LRRC71: variants seen among roughly 807,000 people sequenced by gnomAD.
The protein encoded by LRRC71 is leucine rich repeat containing 71, also known as leucine-rich repeat-containing protein 71.
Under a neutral mutation model 66.6 loss-of-function variants are expected in LRRC71, and 54 were observed. That is an observed-to-expected ratio of 0.81 (90% CI 0.65 to 1.02). The LOEUF is 1.02. Among genes scored for constraint, LRRC71 ranks in the 50% least tolerant of loss-of-function variants. The probability of loss-of-function intolerance (pLI) is 0.00; values close to 1 mark genes in which losing one functional copy is unlikely to be tolerated. For synonymous variants in LRRC71, 323 were observed against 303.9 expected, an observed-to-expected ratio of 1.06 and a Z score of -0.65; for missense variants, 724 against 718.0, an observed-to-expected ratio of 1.01 and a Z score of -0.10.
chr1:156,930,689 C>G, intron 12 of LRRC71, 72 bp downstream of exon 12: 1 of 1,379,706 alleles, frequency 7.2e-7, no homozygotes, highest in Non-Finnish European at 1.0e-6. Flanking sequence ...ACGTCTCACC[C>G]CAGCCCCTCC....
intron 1 of LRRC71, 72 bp from the exon 2 acceptor site, chr1:156,923,877 C>A: frequency 7.1e-7 from 1 of 1,406,172 alleles, no homozygotes; most frequent in Non-Finnish European, 9.3e-7. Flanking sequence ...GGCCCCTCCG[C>A]CCGCGCGGGA....
rs1187565825 is a variant in LRRC71 at position 156,920,745 on chromosome 1, G to A, written c.-59G>A. On this transcript the variant is annotated 5_prime_UTR_variant, in exon 1 of 15. It adds an upstream start codon to the 5' untranslated region. Transcript: ENST00000337428. This position sits in a 1 kb window ranked among gnomAD's most constrained non-coding sequence, Gnocchi z 4.9. ...CCACCCCCAGACTGAGCCCCGTAGAGTGCGTTCTTACCTTCCTGCCCCGAC... is the reference window on the plus strand; with the variant it reads ...CCACCCCCAGACTGAGCCCCGTAGAATGCGTTCTTACCTTCCTGCCCCGAC... 30 of 1,437,092 alleles carry A rather than the reference G, an allele frequency of 2.1e-5. No individual in the cohort carries two copies. In the East Asian group the frequency reaches 7.3e-4, roughly 35 times the overall value. 89.0% of individuals were successfully genotyped at this position (1,437,092 alleles called of 1,614,324 possible). A position where few individuals can be genotyped will look rare whatever the true frequency, so the allele number is the denominator to read the frequency against.
chr1:156,940,453 G>C, the LRRC71 span: 8 of 1,577,948 alleles, frequency 5.1e-6, no homozygotes, highest in Middle Eastern at 3.4e-4. Context: ...AGATTGTAAG[G>C]CAGGGAAAGG....
In LRRC71 at chr1:156,924,460, G is replaced by A. The variant is rs921730921; in HGVS notation, c.347G>A (p.Ser116Asn). 1 of 1,551,256 alleles carries A rather than the reference G, an allele frequency of 6.4e-7. No homozygotes were observed. The highest frequency in any genetic ancestry group is 2.4e-5 in the East Asian group (1 of 40,908). The change falls in exon 3 of 15, where the codon AGC becomes AAC. Residue 116 changes from serine (S) to asparagine (N), a missense_variant. Ser to Asn is a conservative substitution (Grantham distance 46, BLOSUM62 1). Coordinates refer to ENST00000337428, the MANE Select transcript of LRRC71 (RefSeq NM_144702.3). ...PRLSGSCSLN[S>N]LESKYVFFRP... is the part of the protein sequence containing the mutation. ...CTGTCGGGGTCCTGCAGCCTCAATA[G>A]CCTGGAGAGCAAATACGTGTTCTTC...
chr1:156,921,761 A>ACACACG (rs1307035916), intron 1 of LRRC71: 1 of 508,670 alleles, frequency 2.0e-6, no homozygotes, highest in Non-Finnish European at 2.5e-6. Flanking sequence ...ACACACACAC[A>ACACACG]CAGACATGGC....
the LRRC71 span, among the ~76,000 whole-genome samples, chr1:156,941,051 A>G: frequency 6.1e-3 from 926 of 152,068 alleles, 4 homozygotes; most frequent in African/African-American, 0.016. Context: ...TCCCTCCCCA[A>G]CAGTAACCCC....
At chr1:156,928,359 CTT>C (rs1653579674) in intron 9 of LRRC71, among the ~76,000 whole-genome samples, 3 of 142,390 alleles carry the variant, frequency 2.1e-5, no homozygotes, top group Non-Finnish European at 4.6e-5. Flanking sequence ...TTCTCTTCTT[CTT>C]CCTCTTCTTC....
chr1:156,939,373 G>T, the LRRC71 span: 1 of 832,322 alleles, frequency 1.2e-6, no homozygotes, highest in Non-Finnish European at 1.9e-6. Context: ...AATCTCGAAT[G>T]TCCAACTCCA....
Position 156,929,733 on chromosome 1 carries a change from AG to A in LRRC71, c.1240+5del. ...GCCACAAAGGCAGGCAAGGGGAGTA[AG>A]TGCGGGTGCCCCTGGGTGGCATCTT... On this transcript the variant is annotated splice_donor_5th_base_variant and intron_variant, in intron 11 of 14. Transcript: ENST00000337428. 6.4e-7 allele frequency: 1 copy of A among 1,558,084 alleles called. No individual in the cohort carries two copies. Among genetic ancestry groups the A allele is most frequent in the Non-Finnish European group, 8.7e-7 (1 of 1,151,090 alleles).
Position 156,932,042 on chromosome 1 carries a change from C to G in LRRC71, c.1441+15C>G, listed in dbSNP as rs1421013057. ...CAACCTCATCCGTATGTCTGCCAAC[C>G]TCCCCTGTCCTCCTGTCATGAGGCT... is the stretch of plus-strand genomic sequence containing the variant. On this transcript the variant is annotated intron_variant, in intron 13 of 14. Coordinates refer to ENST00000337428, the MANE Select transcript of LRRC71 (RefSeq NM_144702.3). 1.3e-6 allele frequency: 2 copies of G among 1,559,268 alleles called. No individual in the cohort carries two copies. Among genetic ancestry groups the G allele is most frequent in the Admixed American group, 3.7e-5 (2 of 53,478 alleles).
In LRRC71 at chr1:156,920,718, A is replaced by AGACTGG; in HGVS notation, c.-85_-84insACTGGG. The AGACTGG allele has an allele frequency of 7.5e-7, 1 of 1,336,128 alleles. No homozygotes were observed. 82.8% of individuals were successfully genotyped at this position (1,336,128 alleles called of 1,614,324 possible). On this transcript the variant is annotated 5_prime_UTR_variant, in exon 1 of 15. Coordinates refer to ENST00000337428, the MANE Select transcript of LRRC71 (RefSeq NM_144702.3). The surrounding 1 kb of genome is among the most constrained non-coding windows in gnomAD (Gnocchi z 4.9). ...ACGCGGAACAGAGATCCCCTGATTC[A>AGACTGG]GCCACCCCCAGACTGAGCCCCGTAG... is the stretch of plus-strand genomic sequence containing the variant.
At chr1:156,932,200 TG>T in intron 13 of LRRC71, 173 bp downstream of exon 13, 1 of 676,274 alleles carries the variant, frequency 1.5e-6, no homozygotes, top group Non-Finnish European at 2.6e-6. Flanking sequence ...GTGCTGAGTC[TG>T]GGAGGAGGCT....
intron 5 of LRRC71, among the ~76,000 whole-genome samples, 158 bp downstream of exon 5, chr1:156,925,173 A>G (rs1377828792): frequency 6.6e-6 from 1 of 151,910 alleles, no homozygotes; most frequent in Non-Finnish European, 1.5e-5. Context: ...GGATCATGAT[A>G]CCTCCATTAG....
chr1:156,938,746 A>G, the LRRC71 span: 1 of 507,220 alleles, frequency 2.0e-6, no homozygotes, highest in Non-Finnish European at 3.5e-6. Flanking sequence ...CCCAGGAGAC[A>G]GGTGGCCCTT....
intron 1 of LRRC71, 28 bp from the exon 2 acceptor site, chr1:156,923,921 T>G: frequency 6.9e-7 from 1 of 1,439,812 alleles, no homozygotes; most frequent in Non-Finnish European, 9.2e-7. Context: ...CGTGGCCCCT[T>G]CTCTCACGCC....
chr1:156,926,788 C>T (rs2101617653), intron 5 of LRRC71, among the ~76,000 whole-genome samples: 1 of 152,272 alleles, frequency 6.6e-6, no homozygotes, highest in East Asian at 1.9e-4. Context: ...GTTGCCCAGG[C>T]TGGTCTCGAA....
chr1:156,935,904 G>T, downstream of LRRC71: 1 of 1,359,394 alleles, frequency 7.4e-7, no homozygotes, highest in South Asian at 1.4e-5. Context: ...CTCCTCCACA[G>T]GGAGGAGTGT....
intron 1 of LRRC71, among the ~76,000 whole-genome samples, chr1:156,922,276 C>T (rs1013639457): frequency 6.6e-6 from 1 of 152,046 alleles, no homozygotes; most frequent in Non-Finnish European, 1.5e-5. Flanking sequence ...CAGGATCCAG[C>T]CTTACAGGTT....
downstream of LRRC71, chr1:156,937,359 T>C: frequency 1.2e-6 from 2 of 1,612,252 alleles, no homozygotes; most frequent in South Asian, 2.2e-5. Context: ...GGATCATCGT[T>C]GCCTCCCTGC....
Sources: allele counts gnomAD v4.1 joint callset (sites outside exome capture counted in the v4.1 genomes callset), GRCh38; gene constraint gnomAD v4.1.1; non-coding constraint Gnocchi (gnomAD v3.1); transcripts MANE v1.5; gene names NCBI Gene and HGNC (gene_info 2026-07-23, HGNC 2026-07-21).